MAP4: variants seen among roughly 807,000 people sequenced by gnomAD.
MAP4 encodes microtubule associated protein 4, also known as microtubule-associated protein 4.
In MAP4, 76 loss-of-function variants were observed where a neutral mutation model predicts 170.2. The ratio of observed to expected loss-of-function variants is 0.45; its 90% confidence interval spans 0.37 to 0.54. MAP4 has a LOEUF of 0.54. Ranked by LOEUF, MAP4 falls within the 20% of genes least tolerant of loss-of-function variation. The pLI, the probability that MAP4 is intolerant of heterozygous loss-of-function variation, is 0.00. For synonymous variants in MAP4, 909 were observed against 994.5 expected (o/e 0.91, Z 1.62); for missense variants, 2,506 against 2,748.0 (o/e 0.91, Z 1.97).
intron 1 of MAP4, among the ~76,000 whole-genome samples, chr3:48,085,453 T>C (rs750062828): frequency 5.3e-5 from 8 of 152,210 alleles, no homozygotes; most frequent in African/African-American, 7.2e-5. Flanking sequence ...GTAATATAAA[T>C]GTATTTGTAA....
At chr3:47,892,076 T>C (rs2100024324) in intron 10 of MAP4, 2 of 1,536,178 alleles carry the variant, frequency 1.3e-6, no homozygotes, top group Non-Finnish European at 1.7e-6. Context: ...GGTTTTGTTT[T>C]TGTCTGGCCC....
chr3:48,044,641 T>C (rs1254016994), intron 1 of MAP4, among the ~76,000 whole-genome samples: 3 of 152,014 alleles, frequency 2.0e-5, no homozygotes, highest in Non-Finnish European at 4.4e-5. Flanking sequence ...CACACGCCTG[T>C]AATCCCAGCT....
At chr3:47,924,133 C>G (rs2100044511) in intron 4 of MAP4, among the ~76,000 whole-genome samples, 1 of 152,118 alleles carries the variant, frequency 6.6e-6, no homozygotes, top group South Asian at 2.1e-4. Flanking sequence ...CCAGTATGCT[C>G]TAAAAAACCC....
chr3:47,863,907 T>G (rs1350022537), intron 17 of MAP4, among the ~76,000 whole-genome samples: 1 of 131,472 alleles, frequency 7.6e-6, no homozygotes, highest in African/African-American at 3.2e-5. Context: ...TCTGTGTGTG[T>G]GTGTGTGGGT....
intron 1 of MAP4, among the ~76,000 whole-genome samples, chr3:48,069,575 G>C (rs76707904): frequency 6.6e-6 from 1 of 152,288 alleles, no homozygotes; most frequent in Non-Finnish European, 1.5e-5. Flanking sequence ...CCCCACCTCT[G>C]GCTGATGAAA....
Position 47,877,492 on chromosome 3 carries a change from C to G in MAP4, c.5466G>C (p.Val1822=), listed in dbSNP as rs35521469. Residue 1822 remains valine (V), a synonymous_variant, in exon 11 of 21, where the codon GTG becomes GTC. Coordinates refer to ENST00000683076, the MANE Select transcript of MAP4 (RefSeq NM_001385682.1). ...TGATGTCATTTCCTGTCCCACTCACCACAGGCCTTCCTTCTTCTGGCCTGG... is the reference window on the plus strand; with the variant it reads ...TGATGTCATTTCCTGTCCCACTCACGACAGGCCTTCCTTCTTCTGGCCTGG... The part of the protein sequence containing the change: ...GIARPEEGRP[V]VSGTGNDITT... 3,422 of 1,613,974 alleles carry G rather than the reference C, an allele frequency of 2.1e-3. 32 individuals are homozygous for G. Among genetic ancestry groups the G allele is most frequent in the South Asian group, 0.017 (1,527 of 91,048 alleles).
rs1029035316 is a variant in MAP4 at position 47,897,585 on chromosome 3, A to C, written c.5434+5365T>G. Among the ~76,000 whole-genome samples the C allele has an allele frequency of 2.6e-5, 4 of 152,166 alleles. No individual in the cohort carries two copies. The South Asian group carries it at 8.3e-4, about 32-fold the overall frequency. ...TTTAGGGGAGCAAACGCGTGTTTGA[A>C]GTAAGGGAGAAAAAGAGGCAATGCA... On this transcript the variant is annotated intron_variant, in intron 10 of 20. Coordinates refer to ENST00000683076, the MANE Select transcript of MAP4 (RefSeq NM_001385682.1).
chr3:48,062,617 TA>T (rs1006972778), intron 1 of MAP4, among the ~76,000 whole-genome samples: 3 of 144,624 alleles, frequency 2.1e-5, no homozygotes, highest in African/African-American at 5.1e-5. Flanking sequence ...AAAAATAAAT[TA>T]AAAAAAAGAA....
At position 48,000,221 on chromosome 3, in the gene MAP4, C is replaced by CAAAAA. The variant is rs530513032; in HGVS notation, c.-19-1347_-19-1343dup. On this transcript the variant is annotated intron_variant, in intron 1 of 20. Transcript: ENST00000683076. ...CAGAGGAAGTCTCCGACTCCCCCATCAAAAAAAAAAAAAAAAAAAAAAAAA... is the reference window on the plus strand; with the variant it reads ...CAGAGGAAGTCTCCGACTCCCCCATCAAAAAAAAAAAAAAAAAAAAAAAAAAAAAA... 2.0e-4 allele frequency among the ~76,000 whole-genome samples: 16 copies of CAAAAA among 79,910 alleles called. 2 individuals carry two copies. Among genetic ancestry groups the CAAAAA allele is most frequent in the African/African-American group, 5.4e-4 (9 of 16,518 alleles). 52.4% of individuals were successfully genotyped at this position (79,910 alleles called of 152,430 possible). A position where few individuals can be genotyped will look rare whatever the true frequency, so the allele number is the denominator to read the frequency against.
At chr3:48,087,635 C>A (rs1167821399) in intron 1 of MAP4, among the ~76,000 whole-genome samples, 1 of 152,056 alleles carries the variant, frequency 6.6e-6, no homozygotes, top group African/African-American at 2.4e-5. Flanking sequence ...CCACAACCAT[C>A]CCTGGGAAAG....
At chr3:48,052,266 G>A (rs2100128330) in intron 1 of MAP4, among the ~76,000 whole-genome samples, 2 of 152,168 alleles carry the variant, frequency 1.3e-5, no homozygotes, top group South Asian at 2.1e-4. Flanking sequence ...CTGTCGCCCA[G>A]GCTGGAGTGC....
chr3:48,045,320 G>T (rs1299471199), intron 1 of MAP4, among the ~76,000 whole-genome samples: 1 of 151,568 alleles, frequency 6.6e-6, no homozygotes, highest in Non-Finnish European at 1.5e-5. Context: ...ATAATTATAG[G>T]AAAATTGAAA....
At chr3:48,005,979 G>C (rs1399349898) in intron 1 of MAP4, among the ~76,000 whole-genome samples, 5 of 152,218 alleles carry the variant, frequency 3.3e-5, no homozygotes, top group Admixed American at 3.3e-4. Context: ...GAGGCAAAGT[G>C]ACAATCAGAA....
intron 3 of MAP4, among the ~76,000 whole-genome samples, chr3:47,952,066 T>A (rs1444057144): frequency 7.8e-6 from 1 of 128,354 alleles, no homozygotes; most frequent in Non-Finnish European, 1.6e-5. Context: ...GTGAGGAGCG[T>A]CTCTGCCCGG....
At chr3:48,058,047 G>C (rs1471067488) in intron 1 of MAP4, among the ~76,000 whole-genome samples, 1 of 152,074 alleles carries the variant, frequency 6.6e-6, no homozygotes, top group African/African-American at 2.4e-5. Context: ...AATATTTATT[G>C]AATTAGATTG....
chr3:47,859,372 T>C (rs569247412), intron 17 of MAP4, among the ~76,000 whole-genome samples: 1 of 152,350 alleles, frequency 6.6e-6, no homozygotes, highest in African/African-American at 2.4e-5. Context: ...TCAGGAAATA[T>C]AGTCTTCACC....
Position 47,916,477 on chromosome 3 carries a change from C to A in MAP4, c.1350G>T (p.Met450Ile). The A allele has an allele frequency of 6.2e-7, 1 of 1,614,202 alleles. No homozygotes were observed. Among genetic ancestry groups the A allele is most frequent in the Admixed American group, 1.7e-5 (1 of 60,018 alleles). Residue 450 changes from methionine to isoleucine, a missense_variant, in exon 7 of 21, where the codon ATG becomes ATT. Transcript: ENST00000683076. The stretch of plus-strand genomic sequence containing the variant: ...TCACGTTGGTTTCCGGGGGCAGTGT[C>A]ATGTCCCTGGCCAGGGCTACCTCTG... ...SETEVALARD[M>I]TLPPETNVIL...
chr3:48,003,703 C>A (rs1037641132), intron 1 of MAP4, among the ~76,000 whole-genome samples: 2 of 152,132 alleles, frequency 1.3e-5, no homozygotes, highest in African/African-American at 4.8e-5. Flanking sequence ...ATGGTTAACA[C>A]TGAGCATCAA....
intron 3 of MAP4, among the ~76,000 whole-genome samples, chr3:47,954,454 G>A (rs895162993): frequency 6.6e-5 from 10 of 152,104 alleles, no homozygotes; most frequent in Non-Finnish European, 1.0e-4. Flanking sequence ...AGATTCATCT[G>A]TACAACTGAA....
Sources: gnomAD v4.1 joint callset for allele counts (sites outside exome capture counted in the v4.1 genomes callset) on GRCh38, gnomAD v4.1.1 for gene constraint, MANE v1.5 for transcripts, NCBI Gene and HGNC (gene_info 2026-07-23, HGNC 2026-07-21) for gene names.